The following KCNK9 variants were observed in gnomAD, a reference collection of about 807,000 sequenced individuals.
KCNK9 encodes potassium two pore domain channel subfamily K member 9, also known as potassium channel subfamily K member 9.
In KCNK9, 1 loss-of-function variant was observed where a neutral mutation model predicts 10.8. That is an observed-to-expected ratio of 0.09 (90% CI 0.03 to 0.44). The LOEUF is 0.44. Ranked by LOEUF, KCNK9 falls within the 20% of genes least tolerant of loss-of-function variation. KCNK9 has a pLI of 0.97. For missense variants in KCNK9, 303 were observed against 515.0 expected (o/e 0.59, Z 3.98); for synonymous variants, 231 against 222.7 (o/e 1.04, Z -0.33).
intron 1 of KCNK9, among the ~76,000 whole-genome samples, chr8:139,697,239 G>A (rs1190981073): frequency 6.7e-6 from 1 of 149,788 alleles, no homozygotes; most frequent in Non-Finnish European, 1.5e-5. Context: ...GAGTGGGTAG[G>A]TGGGTAGATG....
intron 1 of KCNK9, among the ~76,000 whole-genome samples, chr8:139,696,348 T>C (rs1346928123): frequency 1.3e-5 from 2 of 152,206 alleles, no homozygotes; most frequent in African/African-American, 4.8e-5. Flanking sequence ...ATTTGTGAAA[T>C]GTACACTTTT....
chr8:139,686,283 A>G (rs1399096148), intron 1 of KCNK9, among the ~76,000 whole-genome samples: 2 of 152,258 alleles, frequency 1.3e-5, no homozygotes, highest in Non-Finnish European at 1.5e-5. Context: ...TAAACTAAAG[A>G]GCTTCTGCAC....
At chr8:139,615,958 A>T (rs1001249242), downstream of KCNK9, 3 of 152,018 alleles carry the variant, frequency 2.0e-5, no homozygotes, top group East Asian at 5.8e-4. Flanking sequence ...AGTGGGGAAA[A>T]AGGCAGGCGC....
At chr8:139,622,150 A>G (rs1342881491) in intron 1 of KCNK9, among the ~76,000 whole-genome samples, 1 of 152,214 alleles carries the variant, frequency 6.6e-6, no homozygotes, top group Non-Finnish European at 1.5e-5. Context: ...GGTCCACTGC[A>G]TCGAGGACAT....
intron 2 of KCNK9, among the ~76,000 whole-genome samples, chr8:139,603,819 G>A (rs1430192800): frequency 6.6e-6 from 1 of 152,180 alleles, no homozygotes; most frequent in Non-Finnish European, 1.5e-5. Context: ...GCACTAACCT[G>A]GTTCACTGAG....
At chr8:139,601,326 T>A (rs558767944) in exon 3 of KCNK9, 21 of 152,286 alleles carry the variant, frequency 1.4e-4, no homozygotes, top group African/African-American at 4.6e-4. Context: ...TTGAGCTCCA[T>A]CCAAACCGTT....
At position 139,633,004 on chromosome 8, in the gene KCNK9, G is replaced by T. The variant is rs145620630; in HGVS notation, c.284-13905C>A. Among the ~76,000 whole-genome samples, 62 of 152,198 alleles carry T rather than the reference G, an allele frequency of 4.1e-4. No homozygotes were observed. The South Asian group carries it at 6.7e-3, about 16-fold the overall frequency. On this transcript the variant is annotated intron_variant, in intron 1 of 1. Transcript: ENST00000520439. Reference sequence around the variant, plus strand: ...GAACCCCTCGGTTTGGTGCAGTCACGTCCATGGAACAGGTGAGAAAACGAG... The same window carrying T: ...GAACCCCTCGGTTTGGTGCAGTCACTTCCATGGAACAGGTGAGAAAACGAG...
At chr8:139,616,367 C>T (rs963522726), downstream of KCNK9, 26 of 152,228 alleles carry the variant, frequency 1.7e-4, no homozygotes, top group African/African-American at 5.5e-4. Flanking sequence ...AATCTTAAAA[C>T]AAGTGAATCA....
chr8:139,649,547 T>C (rs1326062781), intron 1 of KCNK9, among the ~76,000 whole-genome samples: 1 of 152,184 alleles, frequency 6.6e-6, no homozygotes, highest in Non-Finnish European at 1.5e-5. Context: ...GATAGCCACA[T>C]GCCTGGATGC....
chr8:139,663,238 T>A (rs1816209450), intron 1 of KCNK9, among the ~76,000 whole-genome samples: 1 of 151,942 alleles, frequency 6.6e-6, no homozygotes, highest in African/African-American at 2.4e-5. Context: ...AGGGTCCCAG[T>A]GAATCCTCCC....
downstream of KCNK9, among the ~76,000 whole-genome samples, chr8:139,610,554 T>C (rs979836955): frequency 5.3e-5 from 8 of 152,212 alleles, no homozygotes; most frequent in Non-Finnish European, 1.2e-4. Context: ...GATCCCCATA[T>C]GCAAATTCAA....
At chr8:139,699,142 A>G (rs1817135435) in intron 1 of KCNK9, among the ~76,000 whole-genome samples, 1 of 152,188 alleles carries the variant, frequency 6.6e-6, no homozygotes, top group African/African-American at 2.4e-5. Context: ...GATTTCTAAG[A>G]TCTGATGGTT....
In KCNK9 at chr8:139,702,504, A is replaced by G. The variant is rs911983490; in HGVS notation, c.283+206T>C. 2.0e-5 allele frequency among the ~76,000 whole-genome samples: 3 copies of G among 151,974 alleles called. No homozygotes were observed. Among genetic ancestry groups the G allele is most frequent in the Admixed American group, 6.5e-5 (1 of 15,268 alleles). On this transcript the variant is annotated intron_variant, in intron 1 of 1. Coordinates refer to ENST00000520439, the MANE Select transcript of KCNK9 (RefSeq NM_001282534.2). The surrounding 1 kb of genome is among the most constrained non-coding windows in gnomAD (Gnocchi z 7.5). ...CGGCCCAGACACCAGCGCGGTGGAG[A>G]GCACCGGGTGGGGTCCCCGAAGGGT...
At chr8:139,640,517 G>GC (rs1192033592) in intron 1 of KCNK9, among the ~76,000 whole-genome samples, 2 of 152,166 alleles carry the variant, frequency 1.3e-5, no homozygotes, top group Admixed American at 6.5e-5. Flanking sequence ...GGGCTCCACA[G>GC]CCCCCCTGCT....
chr8:139,658,276 G>A (rs1816068533), intron 1 of KCNK9, among the ~76,000 whole-genome samples: 1 of 152,160 alleles, frequency 6.6e-6, no homozygotes, highest in South Asian at 2.1e-4. Context: ...CAGGGGCAGG[G>A]ACCACCTAGT....
chr8:139,605,618 C>T (rs919302579), intron 2 of KCNK9, among the ~76,000 whole-genome samples: 3 of 151,998 alleles, frequency 2.0e-5, no homozygotes, highest in Non-Finnish European at 4.4e-5. Context: ...GAAGAAAGAC[C>T]AAGATACATT....
rs958794208 is a variant in KCNK9 at position 139,702,091 on chromosome 8, C to G, written c.283+619G>C. Among the ~76,000 whole-genome samples the G allele has an allele frequency of 5.9e-5, 9 of 152,176 alleles. No individual in the cohort carries two copies. Among genetic ancestry groups the G allele is most frequent in the African/African-American group, 2.2e-4 (9 of 41,456 alleles). ...CAACGCAAGCACCAGAGAGCAAACT[C>G]TCTCCTCCCAGGGGCCTGGGAAGTC... On this transcript the variant is annotated intron_variant, in intron 1 of 1. Transcript: ENST00000520439. The surrounding 1 kb of genome is among the most constrained non-coding windows in gnomAD (Gnocchi z 7.5).
Position 139,663,767 on chromosome 8 carries a change from C to T in KCNK9, c.283+38943G>A, listed in dbSNP as rs976443060. Among the ~76,000 whole-genome samples, 6 of 151,954 alleles carry T rather than the reference C, an allele frequency of 3.9e-5. No homozygotes were observed. In the East Asian group the frequency reaches 9.6e-4, roughly 24 times the overall value. On this transcript the variant is annotated intron_variant, in intron 1 of 1. Transcript: ENST00000520439. ...GTCGCTGCAACCGCCTGAGAGACCT[C>T]GAGGAAGCACTGCCTGCCTGAGCCC...
intron 1 of KCNK9, among the ~76,000 whole-genome samples, chr8:139,667,795 T>C (rs986954196): frequency 1.3e-5 from 2 of 151,900 alleles, no homozygotes; most frequent in African/African-American, 4.8e-5. Context: ...CTGATTAAGA[T>C]TCCATTGCAC....
Sources: gnomAD v4.1 joint callset for allele counts (sites outside exome capture counted in the v4.1 genomes callset) on GRCh38, gnomAD v4.1.1 for gene constraint, Gnocchi (gnomAD v3.1) non-coding constraint, MANE v1.5 for transcripts, NCBI Gene and HGNC (gene_info 2026-07-23, HGNC 2026-07-21) for gene names.